AFTPH: variants seen among roughly 807,000 people sequenced by gnomAD.
The protein encoded by AFTPH is aftiphilin protein.
AFTPH carries 7 observed loss-of-function variants against 72.5 expected under a neutral mutation model. That is an observed-to-expected ratio of 0.10 (90% CI 0.05 to 0.18). AFTPH has a LOEUF of 0.18. AFTPH is among the 10% of genes least tolerant of loss of function. The pLI is 1.00. For missense variants in AFTPH, 979 were observed against 1,060.5 expected (o/e 0.92, Z 1.07); for synonymous variants, 337 against 370.1 (o/e 0.91, Z 1.03).
At chr2:64,565,819 A>C (rs1672050864) in intron 2 of AFTPH, among the ~76,000 whole-genome samples, 1 of 152,202 alleles carries the variant, frequency 6.6e-6, no homozygotes, top group South Asian at 2.1e-4. Context: ...ACATATATGA[A>C]ACTTTCTTTA....
chr2:64,588,015 T>G (rs1054054706), intron 8 of AFTPH, among the ~76,000 whole-genome samples: 14 of 152,198 alleles, frequency 9.2e-5, no homozygotes, highest in African/African-American at 3.1e-4. Flanking sequence ...GTTTTTAGTA[T>G]ATTCACAAGG....
chr2:64,577,954 C>T (rs1175703989), intron 6 of AFTPH, among the ~76,000 whole-genome samples: 2 of 148,880 alleles, frequency 1.3e-5, no homozygotes, highest in Non-Finnish European at 3.0e-5. Context: ...TAACCACCAC[C>T]ACCAGTCAAG....
chr2:64,577,715 C>A (rs1672910840), intron 6 of AFTPH, among the ~76,000 whole-genome samples: 1 of 152,052 alleles, frequency 6.6e-6, no homozygotes, highest in Non-Finnish European at 1.5e-5. Flanking sequence ...ATTAGCTGTG[C>A]AGGTAGGTTA....
At chr2:64,537,524 C>G (rs1342081079) in intron 1 of AFTPH, among the ~76,000 whole-genome samples, 1 of 152,074 alleles carries the variant, frequency 6.6e-6, no homozygotes, top group East Asian at 1.9e-4. Flanking sequence ...ATACTCCTAC[C>G]AATAGTATCT....
At position 64,526,991 on chromosome 2, in the gene AFTPH, T is replaced by G. The variant is rs117670793; in HGVS notation, c.-33+2379T>G. ...TTGCTAGACCATTTATATAGTCTCA[T>G]GCAAAACTATACTATGTATTGTCTG... is the stretch of plus-strand genomic sequence containing the variant. On this transcript the variant is annotated intron_variant, in intron 1 of 8. Coordinates refer to ENST00000238856, the Ensembl canonical transcript of AFTPH. Among the ~76,000 whole-genome samples the G allele has an allele frequency of 4.6e-5, 7 of 152,326 alleles. No individual in the cohort carries two copies. In the East Asian group the frequency reaches 1.3e-3, roughly 29 times the overall value.
exon 1 of AFTPH, chr2:64,524,539 G>A (rs1282232577): frequency 2.5e-6 from 1 of 399,136 alleles, no homozygotes; most frequent in Non-Finnish European, 4.4e-6. Context: ...CGGAATAGAC[G>A]GTCCTTCCCC....
chr2:64,526,734 C>G (rs985674319), intron 1 of AFTPH, among the ~76,000 whole-genome samples: 4 of 152,162 alleles, frequency 2.6e-5, no homozygotes, highest in African/African-American at 9.7e-5. Context: ...TCTTTTGCAG[C>G]TTTATATGAT....
At chr2:64,529,538 G>A (rs2103799966) in intron 1 of AFTPH, among the ~76,000 whole-genome samples, 1 of 151,958 alleles carries the variant, frequency 6.6e-6, no homozygotes, top group East Asian at 1.9e-4. Flanking sequence ...TCAGTAAATA[G>A]TGGGTGTATA....
At chr2:64,545,569 G>GAAAAA (rs1670533872) in intron 1 of AFTPH, among the ~76,000 whole-genome samples, 1 of 30,698 alleles carries the variant, frequency 3.3e-5, no homozygotes, top group Non-Finnish European at 7.9e-5. Flanking sequence ...GCCACCAGCA[G>GAAAAA]TAAAAAAAAA....
chr2:64,580,443 T>C lies in AFTPH; in HGVS notation c.2455+897T>C, dbSNP rs182369240. Reference sequence around the variant, plus strand: ...AAAGCCTGGATGCACTTTTTGCTGTTGTCTGGTGTCTTCAGTCAAATCAGA... The same window carrying C: ...AAAGCCTGGATGCACTTTTTGCTGTCGTCTGGTGTCTTCAGTCAAATCAGA... On this transcript the variant is annotated intron_variant, in intron 7 of 8. Coordinates refer to ENST00000238856, the Ensembl canonical transcript of AFTPH. The C allele has an allele frequency of 1.7e-3, 259 of 152,724 alleles. 4 individuals carry two copies. Among genetic ancestry groups the C allele is most frequent in the African/African-American group, 5.5e-3 (229 of 41,538 alleles). The allele number at this position is 152,724 out of a possible 1,614,324, so 9.5% of individuals were successfully genotyped here. A position where few individuals can be genotyped will look rare whatever the true frequency, so the allele number is the denominator to read the frequency against.
At chr2:64,540,736 CT>C (rs34552060) in intron 1 of AFTPH, among the ~76,000 whole-genome samples, 1 of 151,998 alleles carries the variant, frequency 6.6e-6, no homozygotes, top group African/African-American at 2.4e-5. Flanking sequence ...GACAGTGTGG[CT>C]TTTTTAGGGT....
chr2:64,543,939 G>T (rs1288939917), intron 1 of AFTPH, among the ~76,000 whole-genome samples: 2 of 152,164 alleles, frequency 1.3e-5, no homozygotes, highest in East Asian at 3.9e-4. Flanking sequence ...GATTAATACA[G>T]AATCACCTTC....
intron 6 of AFTPH, among the ~76,000 whole-genome samples, chr2:64,576,118 C>CACACACACACACACACACGT (rs1553404165): frequency 7.3e-6 from 1 of 137,036 alleles, no homozygotes; most frequent in Non-Finnish European, 1.6e-5. Flanking sequence ...CACACACACA[C>CACACACACACACACACACGT]GTGTGTCATA....
intron 5 of AFTPH, 136 bp from the exon 6 acceptor site, chr2:64,572,810 A>G: frequency 8.0e-7 from 1 of 1,249,444 alleles, no homozygotes; most frequent in Non-Finnish European, 1.1e-6. Flanking sequence ...TCTTAAAAAA[A>G]AAAAAAGACT....
rs1219737121 is a variant in AFTPH, at chr2:64,579,481, TC to T, written c.2395-4del. The T allele has an allele frequency of 3.1e-6, 5 of 1,613,498 alleles. No individual in the cohort carries two copies. The highest frequency in any genetic ancestry group is 4.2e-6 in the Non-Finnish European group (5 of 1,179,556). On this transcript the variant is annotated splice_polypyrimidine_tract_variant and splice_region_variant and intron_variant, in intron 6 of 8. Coordinates refer to ENST00000238856, the Ensembl canonical transcript of AFTPH. The stretch of plus-strand genomic sequence containing the variant: ...TAATTTTGATTTTTTGGTTTTCAAC[TC>T]TAGGAGTCTCTACCACCCGTCCAGT...
chr2:64,556,240 G>A (rs751662061), intron 2 of AFTPH, among the ~76,000 whole-genome samples: 11 of 152,064 alleles, frequency 7.2e-5, no homozygotes, highest in African/African-American at 2.2e-4. Context: ...CACCCGGCTC[G>A]GCCTCCCAAA....
exon 1 of AFTPH, chr2:64,524,380 T>A: frequency 2.5e-6 from 1 of 402,510 alleles, no homozygotes; most frequent in Non-Finnish European, 4.4e-6. Flanking sequence ...GCGGAGGAGG[T>A]GGAGGAGGCG....
At chr2:64,533,525 C>A (rs1249771120) in intron 1 of AFTPH, among the ~76,000 whole-genome samples, 1 of 152,110 alleles carries the variant, frequency 6.6e-6, no homozygotes, top group African/African-American at 2.4e-5. Flanking sequence ...ATAAGAATTA[C>A]TGAATAATTC....
At position 64,569,537 on chromosome 2, in the gene AFTPH, C is replaced by T; in HGVS notation, c.2215-86C>T. The T allele has an allele frequency of 2.1e-6, 3 of 1,430,224 alleles. No homozygotes were observed. In the South Asian group the frequency reaches 3.5e-5, roughly 17 times the overall value. 88.6% of individuals were successfully genotyped at this position (1,430,224 alleles called of 1,614,324 possible). On this transcript the variant is annotated intron_variant, in intron 4 of 8. Coordinates refer to ENST00000238856, the Ensembl canonical transcript of AFTPH. ...TTATCATTCCCAATATATGTAATAA[C>T]ACATCTCAAGCATATTTGGAAACTA... is the stretch of plus-strand genomic sequence containing the variant.
Sources: gnomAD v4.1 joint callset for allele counts (sites outside exome capture counted in the v4.1 genomes callset) on GRCh38, gnomAD v4.1.1 for gene constraint, MANE v1.5 for transcripts, NCBI Gene and HGNC (gene_info 2026-07-23, HGNC 2026-07-21) for gene names.